The following ACOXL variants were observed in gnomAD, a reference collection of about 807,000 sequenced individuals.
ACOXL encodes acyl-coenzyme A oxidase-like protein.
In ACOXL, 70 loss-of-function variants were observed where a neutral mutation model predicts 71.9. That is an observed-to-expected ratio of 0.97 (90% CI 0.80 to 1.19). The LOEUF (loss-of-function observed/expected upper bound fraction) is 1.19. Ranked by LOEUF, ACOXL falls within the 50% of genes most tolerant of loss-of-function variation. The probability of loss-of-function intolerance (pLI) is 0.00; values close to 1 mark genes in which losing one functional copy is unlikely to be tolerated. For missense variants in ACOXL, 703 were observed against 736.3 expected (o/e 0.95, Z 0.52); for synonymous variants, 253 against 281.6 (o/e 0.90, Z 1.02).
chr2:110,965,889 T>C (rs2061904296), intron 12 of ACOXL, among the ~76,000 whole-genome samples: 1 of 152,182 alleles, frequency 6.6e-6, no homozygotes, highest in Non-Finnish European at 1.5e-5. Context: ...ACATCCCCTG[T>C]ATCTCTAATA....
At chr2:110,940,614 C>G (rs1234083890) in intron 12 of ACOXL, among the ~76,000 whole-genome samples, 1 of 152,206 alleles carries the variant, frequency 6.6e-6, no homozygotes, top group Non-Finnish European at 1.5e-5. Context: ...TTTGGCCTCA[C>G]TGAGAATTCA....
intron 14 of ACOXL, among the ~76,000 whole-genome samples, chr2:110,998,326 A>G (rs1055372592): frequency 1.3e-5 from 2 of 152,244 alleles, no homozygotes; most frequent in African/African-American, 4.8e-5. Flanking sequence ...TTGTTTTCCA[A>G]ATCACTGCAG....
chr2:110,973,462 C>A (rs1270648051), intron 12 of ACOXL, among the ~76,000 whole-genome samples: 1 of 152,152 alleles, frequency 6.6e-6, no homozygotes, highest in Non-Finnish European at 1.5e-5. Context: ...TTGCCTCTTA[C>A]ACCATATGCA....
At chr2:110,845,954 G>A (rs1691787517) in intron 10 of ACOXL, among the ~76,000 whole-genome samples, 1 of 152,148 alleles carries the variant, frequency 6.6e-6, no homozygotes, top group Non-Finnish European at 1.5e-5. Flanking sequence ...GCCCAGAAGT[G>A]GAATTCCTGA....
At chr2:111,096,494 G>A (rs919311710) in intron 17 of ACOXL, among the ~76,000 whole-genome samples, 2 of 151,976 alleles carry the variant, frequency 1.3e-5, no homozygotes, top group East Asian at 1.9e-4. Context: ...GCCCCCCTCA[G>A]CCTCTCAAAG....
chr2:111,008,141 T>TC, intron 14 of ACOXL, among the ~76,000 whole-genome samples: 1 of 152,142 alleles, frequency 6.6e-6, no homozygotes. Flanking sequence ...AGCCTTTTTT[T>TC]CCCCCTCTTT....
At chr2:110,862,623 G>A (rs909291208) in intron 10 of ACOXL, among the ~76,000 whole-genome samples, 2 of 152,246 alleles carry the variant, frequency 1.3e-5, no homozygotes. Context: ...GTGTTGGGCG[G>A]AAGCCCAGAG....
intron 12 of ACOXL, among the ~76,000 whole-genome samples, chr2:110,973,137 G>T (rs898966567): frequency 1.3e-5 from 2 of 152,202 alleles, no homozygotes; most frequent in African/African-American, 4.8e-5. Context: ...TGGCATTAGT[G>T]CTCTTCCCTC....
intron 14 of ACOXL, among the ~76,000 whole-genome samples, chr2:111,006,125 A>G (rs2063859662): frequency 6.6e-6 from 1 of 152,108 alleles, no homozygotes; most frequent in Non-Finnish European, 1.5e-5. Context: ...AGCTTGATGT[A>G]TTTTCTTACT....
intron 1 of ACOXL, among the ~76,000 whole-genome samples, chr2:110,739,799 C>A (rs1299227219): frequency 6.6e-6 from 1 of 152,210 alleles, no homozygotes; most frequent in African/African-American, 2.4e-5. Context: ...GACTTAGCAT[C>A]CTCTGTTCTG....
intron 2 of ACOXL, among the ~76,000 whole-genome samples, chr2:110,776,526 C>T (rs190582347): frequency 1.2e-4 from 19 of 152,052 alleles, no homozygotes; most frequent in African/African-American, 4.6e-4. Context: ...GGAGCAGATG[C>T]CTAAGAGGTG....
intron 12 of ACOXL, among the ~76,000 whole-genome samples, chr2:110,944,209 C>A (rs865949203): frequency 6.0e-4 from 91 of 152,226 alleles, no homozygotes; most frequent in African/African-American, 2.1e-3. Flanking sequence ...CACGTACCAC[C>A]ACACCCAGCT....
Position 110,838,460 on chromosome 2 carries a change from A to G in ACOXL, c.754-2911A>G, listed in dbSNP as rs1690728750. ...CGAGGGGCTTTGGAAAGGCCTGACT[A>G]GATGATGGAGGTTCCTAAGGCCTAG... is the stretch of plus-strand genomic sequence containing the variant. On this transcript the variant is annotated intron_variant, in intron 9 of 17. Transcript: ENST00000439055. 2.6e-5 allele frequency among the ~76,000 whole-genome samples: 4 copies of G among 152,180 alleles called. No homozygotes were observed. The South Asian group carries it at 6.2e-4, about 24-fold the overall frequency.
chr2:110,990,787 T>C (rs1007779834), intron 13 of ACOXL, among the ~76,000 whole-genome samples: 1 of 152,230 alleles, frequency 6.6e-6, no homozygotes, highest in Non-Finnish European at 1.5e-5. Context: ...TTTTGTTAGT[T>C]TGGTGAATAA....
chr2:110,819,535 A>G lies in ACOXL; in HGVS notation c.753+14140A>G, dbSNP rs79344715. ...ACATTTAAAGGATGAGCCCAAGAGGATTATGGGGAATGCAAGAGGTGGGTT... is the reference window on the plus strand; with the variant it reads ...ACATTTAAAGGATGAGCCCAAGAGGGTTATGGGGAATGCAAGAGGTGGGTT... On this transcript the variant is annotated intron_variant, in intron 9 of 17. Coordinates refer to ENST00000439055, the MANE Select transcript of ACOXL (RefSeq NM_001142807.4). Among the ~76,000 whole-genome samples, 363 of 152,250 alleles carry G rather than the reference A, an allele frequency of 2.4e-3. 2 individuals are homozygous for G. Among genetic ancestry groups the G allele is most frequent in the African/African-American group, 8.5e-3 (352 of 41,542 alleles).
intron 10 of ACOXL, among the ~76,000 whole-genome samples, chr2:110,884,629 G>A (rs114962772): frequency 1.4e-3 from 215 of 152,154 alleles, no homozygotes; most frequent in Non-Finnish European, 2.1e-3. Flanking sequence ...ATATGTTGCC[G>A]ATTATTATCC....
chr2:110,896,306 A>C (rs559545431), intron 10 of ACOXL, among the ~76,000 whole-genome samples: 5 of 152,312 alleles, frequency 3.3e-5, no homozygotes, highest in African/African-American at 1.2e-4. Context: ...AACCTAAAGA[A>C]AGGCAAGAAA....
Position 111,048,489 on chromosome 2 carries a change from C to A in ACOXL, c.1370-729C>A, listed in dbSNP as rs200687962. ...GAAACAATGTAGTCAACACAGCCTA[C>A]AGGAGGGCAGTCTGTGACTTACACC... On this transcript the variant is annotated intron_variant, in intron 15 of 17. Transcript: ENST00000439055. Among the ~76,000 whole-genome samples the A allele has an allele frequency of 4.0e-4, 61 of 152,298 alleles. 1 individual carries two copies. The East Asian group carries it at 0.011, about 27-fold the overall frequency.
chr2:110,772,391 A>G (rs1272107379), intron 2 of ACOXL, among the ~76,000 whole-genome samples: 1 of 152,142 alleles, frequency 6.6e-6, no homozygotes, highest in African/African-American at 2.4e-5. Flanking sequence ...GGACTGCTGC[A>G]CTATGCCTCC....
Sources: gnomAD v4.1 joint callset for allele counts (sites outside exome capture counted in the v4.1 genomes callset) on GRCh38, gnomAD v4.1.1 for gene constraint, MANE v1.5 for transcripts, NCBI Gene and HGNC (gene_info 2026-07-23, HGNC 2026-07-21) for gene names.